VAX1: variants seen among roughly 807,000 people sequenced by gnomAD.
VAX1 encodes ventral anterior homeobox 1.
A neutral mutation model predicts 17.6 loss-of-function variants in VAX1; 6 were observed. The ratio of observed to expected loss-of-function variants is 0.34; its 90% CI spans 0.19 to 0.67. The LOEUF is 0.67. Ranked by LOEUF, VAX1 falls within the 30% of genes least tolerant of loss-of-function variation. The pLI is 0.69. For missense variants in VAX1, 408 were observed against 463.7 expected (o/e 0.88, Z 1.10); for synonymous variants, 256 against 227.4 (o/e 1.13, Z -1.13).
At position 117,133,994 on chromosome 10, in the gene VAX1, G is replaced by T. The variant is rs529279365; in HGVS notation, c.*14C>A. 8.6e-6 allele frequency: 13 copies of T among 1,504,650 alleles called. No homozygotes were observed. In the South Asian group the frequency reaches 1.5e-4, roughly 18 times the overall value. The allele number at this position is 1,504,650 out of a possible 1,614,324, so 93.2% of individuals were successfully genotyped here. A position where few individuals can be genotyped will look rare whatever the true frequency, so the allele number is the denominator to read the frequency against. ...ATAGATACTATAAATATAAATACAG[G>T]GAAACACTTAAAATCAGTCCAGCGC... On this transcript the variant is annotated 3_prime_UTR_variant, in exon 3 of 3. Transcript: ENST00000369206.
Position 117,137,916 on chromosome 10 carries a change from C to A in VAX1, c.141G>T (p.Pro47=), listed in dbSNP as rs1339789302. ...GNLPAAFLKE[P]QGAFSASGAA... ...CGCCCGACGCTGAGAAGGCGCCCTGCGGCTCCTTGAGGAAGGCGGCTGGGA... is the reference window on the plus strand; with the variant it reads ...CGCCCGACGCTGAGAAGGCGCCCTGAGGCTCCTTGAGGAAGGCGGCTGGGA... Residue 47 remains proline (P), a synonymous_variant, in exon 1 of 3, where the codon CCG becomes CCT. Coordinates refer to ENST00000369206, the MANE Select transcript of VAX1 (RefSeq NM_001112704.2). The surrounding 1 kb of genome is among the most constrained non-coding windows in gnomAD (Gnocchi z 7.4). 1.8e-5 allele frequency: 29 copies of A among 1,613,772 alleles called. No individual in the cohort carries two copies. Among genetic ancestry groups the A allele is most frequent in the African/African-American group, 1.6e-4 (12 of 74,912 alleles).
chr10:117,138,104 A>T lies in VAX1; in HGVS notation c.-48T>A, dbSNP rs778701837. The T allele has an allele frequency of 4.0e-6, 1 of 251,008 alleles. No homozygotes were observed. The highest frequency in any genetic ancestry group is 7.0e-6 in the Non-Finnish European group (1 of 143,464). The allele number at this position is 251,008 out of a possible 1,614,324, so 15.5% of individuals were successfully genotyped here. On this transcript the variant is annotated 5_prime_UTR_variant, in exon 1 of 3. Coordinates refer to ENST00000369206, the MANE Select transcript of VAX1 (RefSeq NM_001112704.2). ...AGAAAGGAAAAAAAAAGCAAAAAAA[A>T]AAAAAAGGGGGGGGGGCGGAGAAGG...
chr10:117,134,594 G>C lies in VAX1; in HGVS notation c.430-11C>G, dbSNP rs1405805501. On this transcript the variant is annotated splice_polypyrimidine_tract_variant and intron_variant, in intron 2 of 2. Transcript: ENST00000369206. The surrounding 1 kb of genome is among the most constrained non-coding windows in gnomAD (Gnocchi z 6.2). Reference sequence around the variant, plus strand: ...GAACCAGACCTTCACCTGCGCGCCGGGGTGCGGGGAGAGTTGGAGAGAGGG... The same window carrying C: ...GAACCAGACCTTCACCTGCGCGCCGCGGTGCGGGGAGAGTTGGAGAGAGGG... The C allele has an allele frequency of 5.3e-6, 8 of 1,515,942 alleles. No individual in the cohort carries two copies. In the East Asian group the frequency reaches 8.1e-5, roughly 15 times the overall value. 93.9% of individuals were successfully genotyped at this position (1,515,942 alleles called of 1,614,324 possible). A position where few individuals can be genotyped will look rare whatever the true frequency, so the allele number is the denominator to read the frequency against.
At chr10:117,129,573 CTG>C (rs1291566292), downstream of VAX1, 1 of 152,136 alleles carries the variant, frequency 6.6e-6, no homozygotes, top group Non-Finnish European at 1.5e-5. Context: ...GAGAAAGACA[CTG>C]TGTGTCATCA....
chr10:117,134,014 C>T lies in VAX1; in HGVS notation c.999G>A (p.Leu333=), dbSNP rs1854128947. The change falls in exon 3 of 3, where the codon CTG becomes CTA. Residue 333 remains leucine, a synonymous_variant. Transcript: ENST00000369206. The surrounding 1 kb of genome is among the most constrained non-coding windows in gnomAD (Gnocchi z 6.2). ...TACAGGGAAACACTTAAAATCAGTC[C>T]AGCGCTTTTTTCTCGGCCCCTTCTT... is the stretch of plus-strand genomic sequence containing the variant. ...NNKEGAEKKA[L]D 1 of 1,520,480 alleles carries T rather than the reference C, an allele frequency of 6.6e-7. No individual in the cohort carries two copies. The highest frequency in any genetic ancestry group is 1.4e-5 in the African/African-American group (1 of 70,146). 94.2% of individuals were successfully genotyped at this position (1,520,480 alleles called of 1,614,324 possible). A position where few individuals can be genotyped will look rare whatever the true frequency, so the allele number is the denominator to read the frequency against.
chr10:117,137,747 C>A lies in VAX1; in HGVS notation c.241+69G>T. 3.7e-6 allele frequency: 6 copies of A among 1,602,702 alleles called. No individual in the cohort carries two copies. Among genetic ancestry groups the A allele is most frequent in the Non-Finnish European group, 4.2e-6 (5 of 1,179,240 alleles). ...ACTCCTTCCCACCGGCCTGTGTCGGCGGCAGCGCGCAGCTCCGGCCCCGGA... is the reference window on the plus strand; with the variant it reads ...ACTCCTTCCCACCGGCCTGTGTCGGAGGCAGCGCGCAGCTCCGGCCCCGGA... On this transcript the variant is annotated intron_variant, in intron 1 of 2. Coordinates refer to ENST00000369206, the MANE Select transcript of VAX1 (RefSeq NM_001112704.2). The surrounding 1 kb of genome is among the most constrained non-coding windows in gnomAD (Gnocchi z 7.4).
downstream of VAX1, chr10:117,132,139 C>G (rs1564969637): frequency 3.3e-6 from 5 of 1,509,668 alleles, no homozygotes; most frequent in Non-Finnish European, 3.6e-6. This position sits in a 1 kb window ranked among gnomAD's most constrained non-coding sequence, Gnocchi z 4.9. Context: ...GCGTCTCTGC[C>G]TCTCCGGAAA....
chr10:117,134,667 T>C lies in VAX1; in HGVS notation c.430-84A>G, dbSNP rs1414517862. ...GAAGCGAGCTCCCGGGGCGCGCGGC[T>C]CCGGGGCTCTCCCCAAGTCCCAGCC... On this transcript the variant is annotated intron_variant, in intron 2 of 2. Coordinates refer to ENST00000369206, the MANE Select transcript of VAX1 (RefSeq NM_001112704.2). The surrounding 1 kb of genome is among the most constrained non-coding windows in gnomAD (Gnocchi z 6.2). The C allele has an allele frequency of 6.1e-6, 8 of 1,320,460 alleles. No individual in the cohort carries two copies. Among genetic ancestry groups the C allele is most frequent in the Non-Finnish European group, 7.0e-6 (7 of 1,002,034 alleles). 81.8% of individuals were successfully genotyped at this position (1,320,460 alleles called of 1,614,324 possible). A position where few individuals can be genotyped will look rare whatever the true frequency, so the allele number is the denominator to read the frequency against.
In VAX1 at chr10:117,133,732, T is replaced by G; in HGVS notation, c.*276A>C. On this transcript the variant is annotated 3_prime_UTR_variant, in exon 3 of 3. Transcript: ENST00000369206. Reference sequence around the variant, plus strand: ...TGGGCACGGGGTCAGGGCATCAGGTTGACTAACTCGGGCATTTTTCCCAAT... The same window carrying G: ...TGGGCACGGGGTCAGGGCATCAGGTGGACTAACTCGGGCATTTTTCCCAAT... The G allele has an allele frequency of 8.4e-7, 1 of 1,186,396 alleles. No individual in the cohort carries two copies. The allele number at this position is 1,186,396 out of a possible 1,614,324, so 73.5% of individuals were successfully genotyped here.
At position 117,134,962 on chromosome 10, in the gene VAX1, A is replaced by T. The variant is rs1195418899; in HGVS notation, c.430-379T>A. Among the ~76,000 whole-genome samples, 2 of 152,214 alleles carry T rather than the reference A, an allele frequency of 1.3e-5. No individual in the cohort carries two copies. Among genetic ancestry groups the T allele is most frequent in the Non-Finnish European group, 2.9e-5 (2 of 68,042 alleles). On this transcript the variant is annotated intron_variant, in intron 2 of 2. Transcript: ENST00000369206. The surrounding 1 kb of genome is among the most constrained non-coding windows in gnomAD (Gnocchi z 6.2). ...AGATGTGTGAATCAGTGCAGTCCCA[A>T]AGCCGGAATTTCCGGTGGAGGGTGT...
In VAX1 at chr10:117,138,111, G is replaced by T; in HGVS notation, c.-55C>A. 5.5e-5 allele frequency: 5 copies of T among 90,186 alleles called. No homozygotes were observed. The highest frequency in any genetic ancestry group is 2.6e-4 in the South Asian group (5 of 19,238). 5.6% of individuals were successfully genotyped at this position (90,186 alleles called of 1,614,324 possible). A position where few individuals can be genotyped will look rare whatever the true frequency, so the allele number is the denominator to read the frequency against. ...AAAAAAAAAGCAAAAAAAAAAAAAA[G>T]GGGGGGGGGCGGAGAAGGAAAAAAA... is the stretch of plus-strand genomic sequence containing the variant. On this transcript the variant is annotated 5_prime_UTR_variant, in exon 1 of 3. Transcript: ENST00000369206.
At chr10:117,129,857 GA>G (rs537776145), downstream of VAX1, 2 of 149,782 alleles carry the variant, frequency 1.3e-5, no homozygotes, top group African/African-American at 2.4e-5. Context: ...ACAGTGGCAG[GA>G]AAAAAAAAGG....
downstream of VAX1, chr10:117,132,200 G>C: frequency 1.2e-6 from 2 of 1,604,836 alleles, no homozygotes; most frequent in South Asian, 2.2e-5. This position sits in a 1 kb window ranked among gnomAD's most constrained non-coding sequence, Gnocchi z 4.9. Flanking sequence ...CCAGTCGCAG[G>C]GCCCCGCACT....
At position 117,133,397 on chromosome 10, in the gene VAX1, T is replaced by C; in HGVS notation, c.*611A>G. 1.0e-6 allele frequency: 1 copy of C among 985,534 alleles called. No individual in the cohort carries two copies. 61.0% of individuals were successfully genotyped at this position (985,534 alleles called of 1,614,324 possible). On this transcript the variant is annotated 3_prime_UTR_variant, in exon 3 of 3. Transcript: ENST00000369206. ...TCCTGGGGTCGGGGGTGGTTGTGAT[T>C]GGAGTTGCCCTAAAGGGGAGAAAAA...
Position 117,133,526 on chromosome 10 carries a change from G to A in VAX1, c.*482C>T. 2 of 985,710 alleles carry A rather than the reference G, an allele frequency of 2.0e-6. No homozygotes were observed. Among genetic ancestry groups the A allele is most frequent in the South Asian group, 9.4e-5 (2 of 21,292 alleles). 61.1% of individuals were successfully genotyped at this position (985,710 alleles called of 1,614,324 possible). ...CCACAAGCCCTGGTTTCCCTGGCAA[G>A]AGGAAGGAACGTCCTCCTTTTTTGG... On this transcript the variant is annotated 3_prime_UTR_variant, in exon 3 of 3. Transcript: ENST00000369206.
rs933715539 is a variant in VAX1 at position 117,137,301 on chromosome 10, C to G, written c.241+515G>C. ...GCTCCGTAACCAAGCCCAGCTGCCT[C>G]TCCCGGCGGCAGCGGTCGGGCACCG... is the stretch of plus-strand genomic sequence containing the variant. On this transcript the variant is annotated intron_variant, in intron 1 of 2. Transcript: ENST00000369206. The surrounding 1 kb of genome is among the most constrained non-coding windows in gnomAD (Gnocchi z 7.4). Among the ~76,000 whole-genome samples the G allele has an allele frequency of 2.6e-5, 4 of 152,070 alleles. No individual in the cohort carries two copies. Among genetic ancestry groups the G allele is most frequent in the African/African-American group, 9.7e-5 (4 of 41,420 alleles).
chr10:117,134,602 G>A lies in VAX1; in HGVS notation c.430-19C>T, dbSNP rs1281056457. The stretch of plus-strand genomic sequence containing the variant: ...CCTTCACCTGCGCGCCGGGGTGCGG[G>A]GAGAGTTGGAGAGAGGGGCAGGGAA... On this transcript the variant is annotated intron_variant, in intron 2 of 2. Coordinates refer to ENST00000369206, the MANE Select transcript of VAX1 (RefSeq NM_001112704.2). The surrounding 1 kb of genome is among the most constrained non-coding windows in gnomAD (Gnocchi z 6.2). 1 of 1,507,648 alleles carries A rather than the reference G, an allele frequency of 6.6e-7. No individual in the cohort carries two copies. Among genetic ancestry groups the A allele is most frequent in the Non-Finnish European group, 8.8e-7 (1 of 1,130,166 alleles). The allele number at this position is 1,507,648 out of a possible 1,614,324, so 93.4% of individuals were successfully genotyped here. A position where few individuals can be genotyped will look rare whatever the true frequency, so the allele number is the denominator to read the frequency against.
chr10:117,136,904 G>C lies in VAX1; in HGVS notation c.242-245C>G, dbSNP rs1350785825. 6.6e-6 allele frequency among the ~76,000 whole-genome samples: 1 copy of C among 152,150 alleles called. No homozygotes were observed. The highest frequency in any genetic ancestry group is 1.5e-5 in the Non-Finnish European group (1 of 68,018). On this transcript the variant is annotated intron_variant, in intron 1 of 2. Transcript: ENST00000369206. This position sits in a 1 kb window ranked among gnomAD's most constrained non-coding sequence, Gnocchi z 5.0. ...TGTAGAGTCCTCCAGACAGGGGAGA[G>C]AAAAAAATCCAATCAATTCCACATA... is the stretch of plus-strand genomic sequence containing the variant.
At position 117,138,016 on chromosome 10, in the gene VAX1, G is replaced by C. The variant is rs372435563; in HGVS notation, c.41C>G (p.Ser14Trp). 4.4e-6 allele frequency: 7 copies of C among 1,577,336 alleles called. No individual in the cohort carries two copies. In the Admixed American group the frequency reaches 6.9e-5, roughly 15 times the overall value. The change falls in exon 1 of 3, where the codon TCG becomes TGG. Residue 14 changes from serine to tryptophan, a missense_variant. Around this residue, in one of 4 missense-constraint regions of VAX1, gnomAD observed 133 missense variants for 112.0 expected, o/e 1.19. Coordinates refer to ENST00000369206, the MANE Select transcript of VAX1 (RefSeq NM_001112704.2). The part of the protein sequence containing the change: ...KPDKMDVRCH[S>W]DAEAARVSKN... Reference sequence around the variant, plus strand: ...CGAGACCCGGGCAGCCTCGGCGTCCGAGTGGCATCGAACGTCCATTTTGTC... The same window carrying C: ...CGAGACCCGGGCAGCCTCGGCGTCCCAGTGGCATCGAACGTCCATTTTGTC...
Sources: gnomAD v4.1 joint callset for allele counts (sites outside exome capture counted in the v4.1 genomes callset) on GRCh38, gnomAD v4.1.1 for gene constraint, gnomAD v4.1.1 regional missense constraint, Gnocchi (gnomAD v3.1) non-coding constraint, MANE v1.5 for transcripts, NCBI Gene and HGNC (gene_info 2026-07-23, HGNC 2026-07-21) for gene names.